ZNF469: variants seen among roughly 807,000 people sequenced by gnomAD.
ZNF469 encodes the protein zinc finger protein 469.
A neutral mutation model predicts 1.0 loss-of-function variants in ZNF469; 1 was observed. The observed-to-expected ratio is 1.00, with a 90% CI of 0.35 to 4.73. The LOEUF (loss-of-function observed/expected upper bound fraction) is 4.73. ZNF469 is among the 30% of genes most tolerant of loss of function. ZNF469 has a pLI of 0.16. For synonymous variants in ZNF469, 2,703 were observed against 2,363.4 expected (o/e 1.14, Z -4.17); for missense variants, 6,100 against 5,356.3 (o/e 1.14, Z -4.33).
At chr16:88,193,036 ATGGTGGTGGTGATGATGGTGATG>A in the ZNF469 span, among the ~76,000 whole-genome samples, 1 of 43,132 alleles carries the variant, frequency 2.3e-5, no homozygotes, top group African/African-American at 9.5e-5. Flanking sequence ...GATGGTGGTG[ATGGTGGTGGTGATGATGGTGATG>A]GTGGTGATGG....
At chr16:88,188,837 G>C in the ZNF469 span, among the ~76,000 whole-genome samples, 34 of 152,276 alleles carry the variant, frequency 2.2e-4, no homozygotes, top group African/African-American at 7.0e-4. Flanking sequence ...TGTGGAGTTT[G>C]AGGAGCACAG....
the ZNF469 span, among the ~76,000 whole-genome samples, chr16:88,283,969 G>A: frequency 8.7e-6 from 1 of 115,348 alleles, no homozygotes; most frequent in African/African-American, 3.5e-5. Context: ...CAAGGTCTGT[G>A]GAGGCTGGTA....
chr16:88,351,999 G>T, the ZNF469 span, among the ~76,000 whole-genome samples: 1 of 152,320 alleles, frequency 6.6e-6, no homozygotes, highest in East Asian at 1.9e-4. Context: ...CGCTCACCAC[G>T]ACACAGAGAA....
At chr16:88,354,515 A>G in the ZNF469 span, among the ~76,000 whole-genome samples, 15 of 152,122 alleles carry the variant, frequency 9.9e-5, no homozygotes, top group African/African-American at 3.6e-4. Context: ...GAGCCACAGG[A>G]GCCGACCGCA....
At chr16:88,212,091 A>G in the ZNF469 span, among the ~76,000 whole-genome samples, 20 of 152,288 alleles carry the variant, frequency 1.3e-4, no homozygotes, top group Admixed American at 2.6e-4. Context: ...AAATTCTTAT[A>G]TATTTTGTCC....
Position 88,427,832 on chromosome 16 carries a change from T to C in ZNF469, c.362T>C (p.Ile121Thr), listed in dbSNP as rs1555518437. The change falls in exon 3 of 3, where the codon ATT (isoleucine) becomes ACT (threonine). Residue 121 changes from isoleucine to threonine, a missense_variant. By Grantham distance (89) the Ile-to-Thr change is moderately conservative (BLOSUM62 -1). Transcript: ENST00000565624. ...RAEGSPPQRY[I>T]LGIASSRTKP... is the part of the protein sequence containing the mutation. ...GAGGGCAGCCCCCCACAGCGCTACA[T>C]TCTGGGCATCGCCAGCTCGAGGACC... 1 of 1,548,964 alleles carries C rather than the reference T, an allele frequency of 6.5e-7. No homozygotes were observed. The highest frequency in any genetic ancestry group is 8.7e-7 in the Non-Finnish European group (1 of 1,146,772).
intron 2 of ZNF469, among the ~76,000 whole-genome samples, chr16:88,425,259 G>A (rs1255407459): frequency 6.6e-6 from 1 of 152,132 alleles, no homozygotes; most frequent in Non-Finnish European, 1.5e-5. Flanking sequence ...TGCTCCATCT[G>A]GGCTGAGGTC....
At chr16:88,201,087 TC>T in the ZNF469 span, among the ~76,000 whole-genome samples, 8 of 152,178 alleles carry the variant, frequency 5.3e-5, no homozygotes, top group Non-Finnish European at 8.8e-5. The surrounding 1 kb of genome is among the most constrained non-coding windows in gnomAD (Gnocchi z 5.0). Context: ...ACCCCGCAGG[TC>T]CCCAGTGCTG....
chr16:88,204,901 C>T, the ZNF469 span, among the ~76,000 whole-genome samples: 2,590 of 152,268 alleles, frequency 0.017, 118 homozygotes, highest in East Asian at 0.18. Context: ...TGCTAGCGAC[C>T]GGCCTCCAGG....
chr16:88,341,279 AG>A, the ZNF469 span, among the ~76,000 whole-genome samples: 4 of 152,176 alleles, frequency 2.6e-5, no homozygotes, highest in African/African-American at 9.7e-5. Flanking sequence ...GTACAGGGCC[AG>A]CCCCTCAGTC....
chr16:88,390,951 G>A (rs1054607269), intron 1 of ZNF469, among the ~76,000 whole-genome samples: 5 of 152,348 alleles, frequency 3.3e-5, no homozygotes, highest in African/African-American at 7.2e-5. Context: ...CAGCAGTTCC[G>A]AAAGACCCGA....
the ZNF469 span, among the ~76,000 whole-genome samples, chr16:88,243,127 C>G: frequency 6.3e-3 from 956 of 152,292 alleles, 12 homozygotes; most frequent in African/African-American, 0.021. Flanking sequence ...CAGCAAGTGG[C>G]TCACGAGGCT....
At chr16:88,382,100 T>G (rs2092526763), upstream of ZNF469, among the ~76,000 whole-genome samples, 1 of 152,230 alleles carries the variant, frequency 6.6e-6, no homozygotes, top group Non-Finnish European at 1.5e-5. Flanking sequence ...AGTTCATGAC[T>G]TGGGATCCTC....
chr16:88,307,098 C>G, the ZNF469 span, among the ~76,000 whole-genome samples: 1 of 152,210 alleles, frequency 6.6e-6, no homozygotes, highest in Admixed American at 6.5e-5. Context: ...TGGGATCATA[C>G]CACACATGGC....
the ZNF469 span, among the ~76,000 whole-genome samples, chr16:88,328,733 G>GGA: frequency 6.6e-6 from 1 of 152,202 alleles, no homozygotes; most frequent in Non-Finnish European, 1.5e-5. Context: ...GAGTGCAATG[G>GGA]GAGAGGGTGC....
the ZNF469 span, among the ~76,000 whole-genome samples, chr16:88,348,387 C>G: frequency 6.6e-6 from 1 of 152,214 alleles, no homozygotes; most frequent in African/African-American, 2.4e-5. Flanking sequence ...CACCCCACTC[C>G]TGTGCGAACC....
At chr16:88,416,306 C>A (rs756498003) in intron 1 of ZNF469, among the ~76,000 whole-genome samples, 9 of 152,168 alleles carry the variant, frequency 5.9e-5, no homozygotes, top group African/African-American at 2.2e-4. Context: ...GGCCACTTGA[C>A]GGCACAGGGG....
chr16:88,207,415 C>T, the ZNF469 span, among the ~76,000 whole-genome samples: 21 of 138,280 alleles, frequency 1.5e-4, 9 homozygotes, highest in Admixed American at 7.9e-4. Context: ...GAGGGGAGGC[C>T]GCGGGGACAG....
intron 1 of ZNF469, among the ~76,000 whole-genome samples, chr16:88,422,729 AATG>A (rs1191117642): frequency 3.2e-5 from 4 of 126,084 alleles, no homozygotes; most frequent in East Asian, 2.7e-4. Context: ...ATGGATGGAT[AATG>A]ATGATGGATG....
Sources: gnomAD v4.1 joint callset for allele counts (sites outside exome capture counted in the v4.1 genomes callset) on GRCh38, gnomAD v4.1.1 for gene constraint, Gnocchi (gnomAD v3.1) non-coding constraint, MANE v1.5 for transcripts, NCBI Gene and HGNC (gene_info 2026-07-23, HGNC 2026-07-21) for gene names.